Variants in KCNT2 observed in about 807,000 individuals in gnomAD.
KCNT2 encodes potassium channel subfamily T member 2.
In KCNT2, 67 loss-of-function variants were observed where a neutral mutation model predicts 153.8. That is an observed-to-expected ratio of 0.44 (90% CI 0.36 to 0.53). The LOEUF (loss-of-function observed/expected upper bound fraction) is 0.53, where lower values mean the gene tolerates loss of function less well. Among genes scored for constraint, KCNT2 ranks in the 20% least tolerant of loss-of-function variants. KCNT2 has a pLI of 0.00. For missense variants in KCNT2, 975 were observed against 1,354.8 expected (o/e 0.72, Z 4.40); for synonymous variants, 500 against 458.8 (o/e 1.09, Z -1.15).
chr1:196,378,820 T>C (rs1216532648), intron 13 of KCNT2, among the ~76,000 whole-genome samples: 4 of 147,734 alleles, frequency 2.7e-5, no homozygotes, highest in Admixed American at 6.8e-5. Flanking sequence ...TAATTATATA[T>C]ATATATTATA....
At chr1:196,439,082 C>A (rs1674987566) in intron 8 of KCNT2, among the ~76,000 whole-genome samples, 1 of 151,764 alleles carries the variant, frequency 6.6e-6, no homozygotes, top group Admixed American at 6.6e-5. Flanking sequence ...TAACTGTGGT[C>A]AATATTCACA....
At chr1:196,446,452 T>C (rs1675694111) in intron 8 of KCNT2, among the ~76,000 whole-genome samples, 1 of 151,348 alleles carries the variant, frequency 6.6e-6, no homozygotes, top group South Asian at 2.1e-4. Context: ...GAATAACTGA[T>C]TGATCTAGTC....
At chr1:196,578,392 A>G (rs546576043) in intron 1 of KCNT2, among the ~76,000 whole-genome samples, 49 of 152,246 alleles carry the variant, frequency 3.2e-4, no homozygotes, top group Non-Finnish European at 1.3e-4. Flanking sequence ...GGTGCAAAAA[A>G]TAGAATGGCT....
chr1:196,308,525 C>T (rs1173810077), intron 21 of KCNT2, among the ~76,000 whole-genome samples: 2 of 152,042 alleles, frequency 1.3e-5, no homozygotes, highest in African/African-American at 4.8e-5. Context: ...ATTTTTATCT[C>T]TATCTGCCTG....
chr1:196,580,638 AATATGC>A (rs1661920481), intron 1 of KCNT2, among the ~76,000 whole-genome samples: 1 of 152,212 alleles, frequency 6.6e-6, no homozygotes. Context: ...ATAGTCATAT[AATATGC>A]ATACATGGTA....
intron 4 of KCNT2, among the ~76,000 whole-genome samples, chr1:196,481,252 T>C: frequency 6.6e-6 from 1 of 152,158 alleles, no homozygotes; most frequent in East Asian, 1.9e-4. Context: ...ACAATCATCG[T>C]GACTTTGAAA....
At chr1:196,461,189 A>G (rs1677118698) in intron 8 of KCNT2, among the ~76,000 whole-genome samples, 1 of 151,514 alleles carries the variant, frequency 6.6e-6, no homozygotes, top group South Asian at 2.1e-4. Context: ...ATAGAGTTCA[A>G]GAACTTAAGC....
At chr1:196,234,335 T>C (rs527281733) in intron 27 of KCNT2, among the ~76,000 whole-genome samples, 1 of 151,328 alleles carries the variant, frequency 6.6e-6, no homozygotes, top group Non-Finnish European at 1.5e-5. Flanking sequence ...CTTGTTTTGA[T>C]GAAACAACAT....
In KCNT2 at chr1:196,399,848, A is replaced by G. The variant is rs546308982; in HGVS notation, c.1186-1177T>C. Among the ~76,000 whole-genome samples, 3 of 151,938 alleles carry G rather than the reference A, an allele frequency of 2.0e-5. No individual in the cohort carries two copies. In the East Asian group the frequency reaches 5.9e-4, roughly 30 times the overall value. On this transcript the variant is annotated intron_variant, in intron 12 of 27. Coordinates refer to ENST00000294725, the MANE Select transcript of KCNT2 (RefSeq NM_198503.5). ...AGAGAGCTCCCTCGCTTCTTCAGCC[A>G]TGTAAGGATGTTGCAAGAAGACAAC... is the stretch of plus-strand genomic sequence containing the variant.
chr1:196,414,089 A>C (rs1327610379), intron 12 of KCNT2, among the ~76,000 whole-genome samples: 1 of 151,748 alleles, frequency 6.6e-6, no homozygotes, highest in Non-Finnish European at 1.5e-5. Context: ...ATATATATAA[A>C]AAAAAGTTTC....
intron 12 of KCNT2, among the ~76,000 whole-genome samples, chr1:196,406,716 A>G (rs755160485): frequency 6.6e-6 from 1 of 151,458 alleles, no homozygotes; most frequent in Non-Finnish European, 1.5e-5. Context: ...ATTTAACAGT[A>G]TATCTGGGAC....
At position 196,593,311 on chromosome 1, in the gene KCNT2, TACACAC is replaced by T. The variant is rs869080667; in HGVS notation, c.95+14898_95+14903del. 7.2e-3 allele frequency among the ~76,000 whole-genome samples: 1,006 copies of T among 140,180 alleles called. 14 individuals are homozygous for T. The highest frequency in any genetic ancestry group is 0.026 in the African/African-American group (930 of 35,724). 92.0% of individuals were successfully genotyped at this position (140,180 alleles called of 152,430 possible). On this transcript the variant is annotated intron_variant, in intron 1 of 27. Coordinates refer to ENST00000294725, the MANE Select transcript of KCNT2 (RefSeq NM_198503.5). ...CATATATATAATATATATATATATA[TACACAC>T]ACACACACACACACACACACACACA...
intron 1 of KCNT2, among the ~76,000 whole-genome samples, chr1:196,580,584 A>G (rs1305816091): frequency 6.6e-6 from 1 of 152,190 alleles, no homozygotes; most frequent in Non-Finnish European, 1.5e-5. Flanking sequence ...GAATAAGAAA[A>G]TGATAATCAT....
At chr1:196,510,723 G>T (rs1401644357) in intron 1 of KCNT2, among the ~76,000 whole-genome samples, 1 of 152,154 alleles carries the variant, frequency 6.6e-6, no homozygotes, top group Non-Finnish European at 1.5e-5. Flanking sequence ...GTAACAGCTG[G>T]ATATTCTCCA....
chr1:196,552,796 A>C (rs537990385), intron 1 of KCNT2, among the ~76,000 whole-genome samples: 1 of 151,368 alleles, frequency 6.6e-6, no homozygotes, highest in Non-Finnish European at 1.5e-5. Flanking sequence ...TAGAGTTTTT[A>C]ATAGTTTTTT....
intron 14 of KCNT2, among the ~76,000 whole-genome samples, chr1:196,353,951 T>C (rs144518038): frequency 6.6e-6 from 1 of 151,918 alleles, no homozygotes; most frequent in African/African-American, 2.4e-5. Context: ...CATACTCTGT[T>C]CTTATTTCAG....
At chr1:196,371,220 C>CAAAAAAAAA (rs952744388) in intron 14 of KCNT2, among the ~76,000 whole-genome samples, 5 of 21,942 alleles carry the variant, frequency 2.3e-4, no homozygotes, top group African/African-American at 4.5e-4. Flanking sequence ...CCCGTCACTA[C>CAAAAAAAAA]AAAAAAAAAA....
chr1:196,591,600 C>T (rs1663371878), intron 1 of KCNT2, among the ~76,000 whole-genome samples: 1 of 152,098 alleles, frequency 6.6e-6, no homozygotes, highest in African/African-American at 2.4e-5. Flanking sequence ...ATGCAAATCT[C>T]CAATGCTCTC....
At chr1:196,303,532 A>G (rs1260752877) in intron 22 of KCNT2, among the ~76,000 whole-genome samples, 2 of 152,172 alleles carry the variant, frequency 1.3e-5, no homozygotes, top group Non-Finnish European at 2.9e-5. Flanking sequence ...TAGAATGCAC[A>G]GAATGAAATA....
Sources: allele counts gnomAD v4.1 joint callset (sites outside exome capture counted in the v4.1 genomes callset), GRCh38; gene constraint gnomAD v4.1.1; transcripts MANE v1.5; gene names NCBI Gene and HGNC (gene_info 2026-07-23, HGNC 2026-07-21).